The following SAMM50 variants were observed in gnomAD, a reference collection of about 807,000 sequenced individuals.
SAMM50 encodes sorting and assembly machinery component 50 homolog.
Under a neutral mutation model 66.9 loss-of-function variants are expected in SAMM50, and 47 were observed. The ratio of observed to expected loss-of-function variants is 0.70; its 90% CI spans 0.56 to 0.90. The LOEUF is 0.90. Among genes scored for constraint, SAMM50 ranks in the 40% least tolerant of loss-of-function variants. SAMM50 has a pLI of 0.00. For missense variants in SAMM50, 535 were observed against 595.3 expected, an observed-to-expected ratio of 0.90 and a Z score of 1.05; for synonymous variants, 191 against 214.1, an observed-to-expected ratio of 0.89 and a Z score of 0.94.
chr22:43,957,318 C>A, intron 1 of SAMM50: 1 of 629,800 alleles, frequency 1.6e-6, no homozygotes, highest in South Asian at 1.9e-5. Context: ...GACACAGAAT[C>A]CGAGTAATGC....
At chr22:43,970,471 A>AC (rs1394328565) in intron 4 of SAMM50, among the ~76,000 whole-genome samples, 1 of 151,978 alleles carries the variant, frequency 6.6e-6, no homozygotes, top group African/African-American at 2.4e-5. Context: ...GAGAGGGCTT[A>AC]CCCCTCCCTT....
In SAMM50 at chr22:43,972,295, T is replaced by C; in HGVS notation, c.382T>C (p.Leu128=). 6.2e-7 allele frequency: 1 copy of C among 1,607,398 alleles called. No homozygotes were observed. Among genetic ancestry groups the C allele is most frequent in the Non-Finnish European group, 8.5e-7 (1 of 1,178,338 alleles). Residue 128 remains leucine (L), a synonymous_variant, in exon 5 of 15, where the codon TTA becomes CTA. Transcript: ENST00000350028. ...CTTTGAAGTAACTGAATTGAGGAGATTAACGGGCAGTTATAACACCATGGT... is the reference window on the plus strand; with the variant it reads ...CTTTGAAGTAACTGAATTGAGGAGACTAACGGGCAGTTATAACACCATGGT... ...VTFEVTELRR[L]TGSYNTMVGN...
chr22:43,988,919 C>A, intron 12 of SAMM50, 192 bp from the exon 13 acceptor site: 1 of 487,038 alleles, frequency 2.1e-6, no homozygotes, highest in Non-Finnish European at 3.5e-6. Context: ...GTGAAACAAA[C>A]CAGGAGAAAA....
chr22:43,994,123 T>C (rs1420968286), intron 14 of SAMM50, among the ~76,000 whole-genome samples: 1 of 152,132 alleles, frequency 6.6e-6, no homozygotes, highest in African/African-American at 2.4e-5. Context: ...GTCCCTGAGC[T>C]GAATCTTCCT....
intron 11 of SAMM50, among the ~76,000 whole-genome samples, chr22:43,982,794 C>T (rs898757974): frequency 8.5e-5 from 13 of 152,104 alleles, no homozygotes; most frequent in Non-Finnish European, 1.3e-4. Context: ...CGGCACCACG[C>T]CCAGCTAATT....
chr22:43,959,926 G>C (rs1370833205), intron 1 of SAMM50, among the ~76,000 whole-genome samples: 1 of 152,182 alleles, frequency 6.6e-6, no homozygotes, highest in Non-Finnish European at 1.5e-5. Context: ...GATGTAAGAT[G>C]TATGAATAGG....
chr22:43,975,777 C>G lies in SAMM50; in HGVS notation c.649-278C>G, dbSNP rs1442167272. The G allele has an allele frequency of 9.7e-5, 33 of 338,726 alleles. No individual in the cohort carries two copies. In the East Asian group the frequency reaches 1.5e-3, roughly 16 times the overall value. The allele number at this position is 338,726 out of a possible 1,614,324, so 21.0% of individuals were successfully genotyped here. On this transcript the variant is annotated intron_variant, in intron 7 of 14. Transcript: ENST00000350028. The stretch of plus-strand genomic sequence containing the variant: ...GTCGATGATAGAGCTGCCTGCAGCC[C>G]TCAGACCAGCCCTGTCCCTCACCTG...
At chr22:43,991,334 A>G (rs1156922632) in intron 14 of SAMM50, among the ~76,000 whole-genome samples, 1 of 149,320 alleles carries the variant, frequency 6.7e-6, no homozygotes, top group Non-Finnish European at 1.5e-5. Flanking sequence ...CTGGAGTACA[A>G]TGGCCTGACC....
chr22:43,972,985 G>A lies in SAMM50; in HGVS notation c.544G>A (p.Gly182Arg), dbSNP rs183923403. 2.7e-5 allele frequency: 43 copies of A among 1,589,536 alleles called. No homozygotes were observed. Among genetic ancestry groups the A allele is most frequent in the African/African-American group, 2.6e-4 (19 of 72,922 alleles). Residue 182 changes from glycine (G) to arginine (R), a missense_variant, in exon 6 of 15, where the codon GGA (glycine) becomes AGA (arginine). By Grantham distance (125) the Gly-to-Arg change is moderately radical. Transcript: ENST00000350028. ...YGLSFFKPRP[G>R]NFERNFSVNL... ...CCTGTCCTTCTTCAAACCACGGCCCGGAAACTTCGAAAGAAAGTAGGAAGC... is the reference window on the plus strand; with the variant it reads ...CCTGTCCTTCTTCAAACCACGGCCCAGAAACTTCGAAAGAAAGTAGGAAGC...
chr22:43,964,191 G>A (rs2050161474), intron 2 of SAMM50, among the ~76,000 whole-genome samples: 1 of 152,142 alleles, frequency 6.6e-6, no homozygotes, highest in Non-Finnish European at 1.5e-5. Flanking sequence ...TCGGGTTTAG[G>A]GCTCACCTGG....
Position 43,984,012 on chromosome 22 carries a change from C to T in SAMM50, c.1075+12C>T, listed in dbSNP as rs372374045. ...GCCACAGAGCGAAGGTCTGTCCTTT[C>T]CCCTCACGGCGCCAAGTCTAGAAGG... is the stretch of plus-strand genomic sequence containing the variant. On this transcript the variant is annotated intron_variant, in intron 12 of 14. Transcript: ENST00000350028. 5.9e-5 allele frequency: 94 copies of T among 1,606,058 alleles called. No homozygotes were observed. The African/African-American group carries it at 1.2e-3, about 20-fold the overall frequency.
rs960032617 is a variant in SAMM50, at chr22:43,995,338, C to T, written c.1365-1000C>T. 4 of 152,236 alleles carry T rather than the reference C, an allele frequency of 2.6e-5. No individual in the cohort carries two copies. In the East Asian group the frequency reaches 7.7e-4, roughly 29 times the overall value. 9.4% of individuals were successfully genotyped at this position (152,236 alleles called of 1,614,324 possible). The stretch of plus-strand genomic sequence containing the variant: ...CGCCGGTGTGCATGTGCTCCAAATC[C>T]TCAGCTTGGGCAAGGGCACGGGCGT... On this transcript the variant is annotated intron_variant, in intron 14 of 14. Transcript: ENST00000350028.
chr22:43,973,255 A>AT lies in SAMM50; in HGVS notation c.580_581insT (p.Lys194IlefsTer21). The stretch of plus-strand genomic sequence containing the variant: ...TCCTAGTTTCTCTGTAAACTTATAT[A>AT]AAGTTACTGGACAGTTCCCTTGGAG... On this transcript the variant is annotated frameshift_variant, in exon 7 of 15. Coordinates refer to ENST00000350028, the MANE Select transcript of SAMM50 (RefSeq NM_015380.5). LOFTEE classifies it high-confidence loss of function. The AT allele has an allele frequency of 6.2e-7, 1 of 1,602,832 alleles. No homozygotes were observed. The highest frequency in any genetic ancestry group is 8.5e-7 in the Non-Finnish European group (1 of 1,169,760).
At chr22:43,995,961 C>A (rs2050351272) in intron 14 of SAMM50, among the ~76,000 whole-genome samples, 1 of 152,124 alleles carries the variant, frequency 6.6e-6, no homozygotes, top group Non-Finnish European at 1.5e-5. Context: ...TGTCCACCTG[C>A]CTCTCCTCCA....
chr22:43,989,062 G>A, intron 12 of SAMM50, 49 bp from the exon 13 acceptor site: 1 of 1,585,230 alleles, frequency 6.3e-7, no homozygotes, highest in Non-Finnish European at 8.6e-7. Flanking sequence ...TTAACGTGAT[G>A]TTAACCTTGT....
chr22:43,963,106 G>A (rs772199251), intron 1 of SAMM50, 180 bp from the exon 2 acceptor site: 7 of 435,708 alleles, frequency 1.6e-5, no homozygotes, highest in Non-Finnish European at 2.5e-5. Flanking sequence ...CCAAGAACTT[G>A]CTCATTAGCA....
chr22:43,961,772 G>A (rs897618375), intron 1 of SAMM50, among the ~76,000 whole-genome samples: 2 of 152,024 alleles, frequency 1.3e-5, no homozygotes, highest in East Asian at 1.9e-4. Flanking sequence ...AAATAGAGAC[G>A]AGACTTCATT....
chr22:43,991,534 C>G (rs1055682928), intron 14 of SAMM50, among the ~76,000 whole-genome samples: 2 of 152,162 alleles, frequency 1.3e-5, no homozygotes, highest in Non-Finnish European at 2.9e-5. Context: ...TCCCAAAGTA[C>G]TGGGATTACA....
chr22:43,967,964 G>A (rs2050181981), intron 3 of SAMM50, among the ~76,000 whole-genome samples: 1 of 152,188 alleles, frequency 6.6e-6, no homozygotes, highest in African/African-American at 2.4e-5. Flanking sequence ...GCTCATGCCT[G>A]TAGTCCCAGC....
Sources: allele counts gnomAD v4.1 joint callset (sites outside exome capture counted in the v4.1 genomes callset), GRCh38; gene constraint gnomAD v4.1.1; transcripts MANE v1.5; gene names NCBI Gene and HGNC (gene_info 2026-07-23, HGNC 2026-07-21).